HERC1: variants seen among roughly 807,000 people sequenced by gnomAD.
HERC1 encodes the protein HECT and RLD domain containing E3 ubiquitin protein ligase family member 1, also known as probable E3 ubiquitin-protein ligase HERC1.
Under a neutral mutation model 554.3 loss-of-function variants are expected in HERC1, and 160 were observed. The ratio of observed to expected loss-of-function variants is 0.29; its 90% CI spans 0.25 to 0.33. The LOEUF (loss-of-function observed/expected upper bound fraction) is 0.33, where lower values mean the gene tolerates loss of function less well. Among genes scored for constraint, HERC1 ranks in the 10% least tolerant of loss-of-function variants. The pLI is 1.00. For missense variants in HERC1, 4,919 were observed against 5,918.5 expected (o/e 0.83, Z 5.54); for synonymous variants, 2,175 against 2,131.7 (o/e 1.02, Z -0.56).
intron 12 of HERC1, among the ~76,000 whole-genome samples, chr15:63,745,304 G>A (rs2075015712): frequency 6.6e-6 from 1 of 152,128 alleles, no homozygotes; most frequent in South Asian, 2.1e-4. Context: ...CACTGTCTCT[G>A]GGACCAGTTC....
In HERC1 at chr15:63,718,477, A is replaced by G; in HGVS notation, c.3978+97T>C. ...TACTCAACATGTATTGAACATATGCAATAACCAAGGCACATTTTTTTCTCA... is the reference window on the plus strand; with the variant it reads ...TACTCAACATGTATTGAACATATGCGATAACCAAGGCACATTTTTTTCTCA... On this transcript the variant is annotated intron_variant, in intron 21 of 77. Transcript: ENST00000443617. The surrounding 1 kb of genome is among the most constrained non-coding windows in gnomAD (Gnocchi z 4.2). 1 of 1,221,298 alleles carries G rather than the reference A, an allele frequency of 8.2e-7. No homozygotes were observed. The highest frequency in any genetic ancestry group is 1.1e-6 in the Non-Finnish European group (1 of 892,594). The allele number at this position is 1,221,298 out of a possible 1,614,324, so 75.7% of individuals were successfully genotyped here.
chr15:63,666,664 T>C (rs2070657868), intron 40 of HERC1, among the ~76,000 whole-genome samples, 192 bp from the exon 41 acceptor site: 1 of 152,196 alleles, frequency 6.6e-6, no homozygotes, highest in African/African-American at 2.4e-5. Context: ...TGTTATACTT[T>C]GTAAAGATTT....
chr15:63,630,661 T>C (rs746480651), intron 68 of HERC1, 26 bp from the exon 69 acceptor site: 53 of 1,602,088 alleles, frequency 3.3e-5, no homozygotes, highest in Non-Finnish European at 4.3e-5. Flanking sequence ...CAAAAACATG[T>C]GGAAATGTTA....
intron 1 of HERC1, among the ~76,000 whole-genome samples, chr15:63,831,393 T>C (rs919336367): frequency 6.6e-6 from 1 of 152,208 alleles, no homozygotes; most frequent in Non-Finnish European, 1.5e-5. Context: ...AGGCGTGAGC[T>C]ACTGTAATCT....
chr15:63,749,980 T>C lies in HERC1; in HGVS notation c.1903-189A>G, dbSNP rs1367577007. ...ATGCTGCCTTTAGGCATTCACTGTATAGGCAGAAAAACAGCTGATCTGAAA... is the reference window on the plus strand; with the variant it reads ...ATGCTGCCTTTAGGCATTCACTGTACAGGCAGAAAAACAGCTGATCTGAAA... On this transcript the variant is annotated intron_variant, in intron 8 of 77. Transcript: ENST00000443617. This position sits in a 1 kb window ranked among gnomAD's most constrained non-coding sequence, Gnocchi z 4.1. Among the ~76,000 whole-genome samples the C allele has an allele frequency of 6.6e-6, 1 of 152,244 alleles. No homozygotes were observed. The highest frequency in any genetic ancestry group is 2.4e-5 in the African/African-American group (1 of 41,466).
At chr15:63,766,958 G>T (rs974425110) in intron 2 of HERC1, among the ~76,000 whole-genome samples, 2 of 150,282 alleles carry the variant, frequency 1.3e-5, no homozygotes, top group African/African-American at 4.9e-5. Flanking sequence ...GATTACAGGC[G>T]TGAGCCACCA....
At chr15:63,690,821 A>G (rs1454816366) in intron 31 of HERC1, among the ~76,000 whole-genome samples, 174 bp from the exon 32 acceptor site, 1 of 152,236 alleles carries the variant, frequency 6.6e-6, no homozygotes, top group Non-Finnish European at 1.5e-5. Flanking sequence ...ATGCGTATGA[A>G]TACATTCATG....
At chr15:63,762,733 T>C (rs765923267) in intron 3 of HERC1, among the ~76,000 whole-genome samples, 1 of 152,212 alleles carries the variant, frequency 6.6e-6, no homozygotes, top group Non-Finnish European at 1.5e-5. Context: ...GAATCAAGCA[T>C]TTATTCTGCT....
intron 1 of HERC1, among the ~76,000 whole-genome samples, chr15:63,783,343 A>G (rs1000862381): frequency 6.6e-6 from 1 of 152,206 alleles, no homozygotes; most frequent in Non-Finnish European, 1.5e-5. Flanking sequence ...CATCAAGGCA[A>G]GACCCTCCAT....
At chr15:63,618,401 T>C (rs969337339) in intron 74 of HERC1, among the ~76,000 whole-genome samples, 21 of 152,144 alleles carry the variant, frequency 1.4e-4, no homozygotes, top group African/African-American at 4.8e-4. Context: ...TTTTGGTTAC[T>C]GTAGCCTTGG....
chr15:63,670,241 C>T (rs932037808), intron 39 of HERC1, among the ~76,000 whole-genome samples: 4 of 152,120 alleles, frequency 2.6e-5, no homozygotes, highest in African/African-American at 7.2e-5. Context: ...GCGGCACAGT[C>T]GGGGAAAGGT....
intron 34 of HERC1, among the ~76,000 whole-genome samples, chr15:63,684,100 C>A (rs937673825): frequency 6.6e-6 from 1 of 152,136 alleles, no homozygotes; most frequent in Non-Finnish European, 1.5e-5. Context: ...CAGGTATCCA[C>A]GAAAAGAGTG....
intron 68 of HERC1, 105 bp downstream of exon 68, chr15:63,632,604 A>G (rs1402148318): frequency 1.3e-6 from 1 of 750,892 alleles, no homozygotes. Context: ...ACTACTCACC[A>G]CCTAGAACAA....
In HERC1 at chr15:63,649,774, A is replaced by G; in HGVS notation, c.10698T>C (p.Asp3566=). The change falls in exon 54 of 78, where the codon GAT becomes GAC. Residue 3566 remains aspartate (D), a synonymous_variant. Transcript: ENST00000443617. ...DGSLGLIEVV[D]VSTMHRRELE... ...ATTCTCGACGGTGCATGGTGGACAC[A>G]TCAACAACTTCAATCAGTCCCAGAG... 1.2e-6 allele frequency: 2 copies of G among 1,613,804 alleles called. No homozygotes were observed. The highest frequency in any genetic ancestry group is 8.5e-7 in the Non-Finnish European group (1 of 1,179,820).
chr15:63,671,615 A>G (rs952805589), intron 39 of HERC1, among the ~76,000 whole-genome samples: 2 of 152,170 alleles, frequency 1.3e-5, no homozygotes, highest in African/African-American at 4.8e-5. Context: ...ATTAAAATGT[A>G]AACTATGGGC....
intron 33 of HERC1, among the ~76,000 whole-genome samples, chr15:63,687,957 G>A (rs2071874078): frequency 6.6e-6 from 1 of 152,206 alleles, no homozygotes; most frequent in East Asian, 1.9e-4. Flanking sequence ...GTGAGCAAAA[G>A]GGAAAGGTCA....
intron 33 of HERC1, among the ~76,000 whole-genome samples, chr15:63,689,383 T>TA (rs1206997181): frequency 1.3e-5 from 2 of 152,094 alleles, no homozygotes; most frequent in Non-Finnish European, 2.9e-5. Context: ...ACTTCACAGA[T>TA]AAAAATGTGA....
intron 1 of HERC1, among the ~76,000 whole-genome samples, chr15:63,787,127 C>T (rs1056645499): frequency 6.6e-6 from 1 of 151,762 alleles, no homozygotes; most frequent in African/African-American, 2.4e-5. Flanking sequence ...CAGGCATGAG[C>T]CACCATCCCC....
At chr15:63,752,907 C>T (rs1288630634) in intron 8 of HERC1, 51 bp downstream of exon 8, 7 of 1,539,352 alleles carry the variant, frequency 4.5e-6, no homozygotes, top group Non-Finnish European at 5.3e-6. Context: ...TTTTTAGTCA[C>T]CTAATCCTCT....
Sources: allele counts gnomAD v4.1 joint callset (sites outside exome capture counted in the v4.1 genomes callset), GRCh38; gene constraint gnomAD v4.1.1; non-coding constraint Gnocchi (gnomAD v3.1); transcripts MANE v1.5; gene names NCBI Gene and HGNC (gene_info 2026-07-23, HGNC 2026-07-21).